Variants in ATP8A2 observed in about 807,000 individuals in gnomAD.
ATP8A2 encodes the protein phospholipid-transporting ATPase IB.
In ATP8A2, 100 loss-of-function variants were observed where a neutral mutation model predicts 165.6. The ratio of observed to expected loss-of-function variants is 0.60; its 90% CI spans 0.51 to 0.71. ATP8A2 has a LOEUF of 0.71. ATP8A2 is among the 30% of genes least tolerant of loss of function. ATP8A2 has a pLI of 0.00. For synonymous variants in ATP8A2, 543 were observed against 548.8 expected (o/e 0.99, Z 0.15); for missense variants, 1,227 against 1,479.5 (o/e 0.83, Z 2.80).
chr13:25,689,357 AC>A (rs1329703685), intron 24 of ATP8A2, among the ~76,000 whole-genome samples: 7 of 152,188 alleles, frequency 4.6e-5, no homozygotes, highest in Non-Finnish European at 1.0e-4. Context: ...GAGATTAATA[AC>A]CCTTTATCTT....
intron 2 of ATP8A2, among the ~76,000 whole-genome samples, chr13:25,498,342 CAT>C (rs2036744822): frequency 6.6e-6 from 1 of 152,214 alleles, no homozygotes; most frequent in Non-Finnish European, 1.5e-5. Context: ...AATTTCTCAT[CAT>C]AGAAATAAAT....
intron 18 of ATP8A2, among the ~76,000 whole-genome samples, chr13:25,572,474 C>T (rs1406000677): frequency 6.6e-6 from 1 of 152,140 alleles, no homozygotes; most frequent in Non-Finnish European, 1.5e-5. Flanking sequence ...CCCCCTGCAA[C>T]TGGAGTCAAG....
chr13:25,628,288 T>A (rs555117336), intron 24 of ATP8A2, among the ~76,000 whole-genome samples: 1 of 152,302 alleles, frequency 6.6e-6, no homozygotes, highest in Non-Finnish European at 1.5e-5. Flanking sequence ...TGGGAGCCAT[T>A]CATTCTCTTT....
intron 24 of ATP8A2, among the ~76,000 whole-genome samples, chr13:25,656,916 G>C (rs1262674059): frequency 6.6e-6 from 1 of 151,522 alleles, no homozygotes; most frequent in Non-Finnish European, 1.5e-5. Flanking sequence ...AGCTGGGCAT[G>C]GTGGTGCATG....
At chr13:25,513,858 G>A (rs186057376) in intron 2 of ATP8A2, among the ~76,000 whole-genome samples, 59 of 152,294 alleles carry the variant, frequency 3.9e-4, no homozygotes, top group African/African-American at 9.9e-4. Context: ...TTGGCAGGCT[G>A]AGGCAGGACA....
At chr13:25,817,551 A>G (rs1307749128) in intron 27 of ATP8A2, among the ~76,000 whole-genome samples, 2 of 152,160 alleles carry the variant, frequency 1.3e-5, no homozygotes, top group African/African-American at 4.8e-5. Flanking sequence ...TGGGATTTTA[A>G]CGGAAAAGAA....
At chr13:25,655,906 A>T (rs1257477844) in intron 24 of ATP8A2, among the ~76,000 whole-genome samples, 1 of 152,226 alleles carries the variant, frequency 6.6e-6, no homozygotes, top group African/African-American at 2.4e-5. Context: ...ATTGGAGTTC[A>T]GGTCACTTTG....
At chr13:25,626,573 T>C (rs1280907719) in intron 24 of ATP8A2, among the ~76,000 whole-genome samples, 1 of 152,086 alleles carries the variant, frequency 6.6e-6, no homozygotes, top group Non-Finnish European at 1.5e-5. Flanking sequence ...GTTCCTTAAA[T>C]AGAACTCAGA....
intron 1 of ATP8A2, among the ~76,000 whole-genome samples, chr13:25,389,214 A>G (rs543098654): frequency 6.6e-6 from 1 of 152,352 alleles, no homozygotes; most frequent in South Asian, 2.1e-4. Flanking sequence ...TTTTAGATGT[A>G]AGGAGAATCA....
chr13:25,622,545 G>A (rs1185862172), intron 24 of ATP8A2, among the ~76,000 whole-genome samples: 1 of 152,090 alleles, frequency 6.6e-6, no homozygotes, highest in East Asian at 1.9e-4. Flanking sequence ...GTTTATACAG[G>A]GTGAGCATCC....
At chr13:25,589,574 G>A in intron 23 of ATP8A2, 61 bp from the exon 24 acceptor site, 2 of 1,303,610 alleles carry the variant, frequency 1.5e-6, no homozygotes, top group Middle Eastern at 1.9e-4. Context: ...CAAGGAGGTT[G>A]AATTTAAGGA....
In ATP8A2 at chr13:25,372,026, T is replaced by TTGGCCGCTGCGGCACGGACGGCGCA; in HGVS notation, c.-186_-162dup. On this transcript the variant is annotated 5_prime_UTR_variant, in exon 1 of 37. The change creates a new upstream start codon in the 5' untranslated region. Coordinates refer to ENST00000381655, the MANE Select transcript of ATP8A2 (RefSeq NM_016529.6). The surrounding 1 kb of genome is among the most constrained non-coding windows in gnomAD (Gnocchi z 4.8). ...GGTGGCGTTCGCGGATGCTGCCGCATTGGCCGCTGCGGCACGGACGGCGCA... is the reference window on the plus strand; with the variant it reads ...GGTGGCGTTCGCGGATGCTGCCGCATTGGCCGCTGCGGCACGGACGGCGCATGGCCGCTGCGGCACGGACGGCGCA... 4.4e-6 allele frequency: 1 copy of TTGGCCGCTGCGGCACGGACGGCGCA among 225,472 alleles called. No individual in the cohort carries two copies. The highest frequency in any genetic ancestry group is 8.4e-6 in the Non-Finnish European group (1 of 119,442). 14.0% of individuals were successfully genotyped at this position (225,472 alleles called of 1,614,324 possible). A position where few individuals can be genotyped will look rare whatever the true frequency, so the allele number is the denominator to read the frequency against.
intron 27 of ATP8A2, among the ~76,000 whole-genome samples, chr13:25,811,931 T>G (rs1413216416): frequency 6.6e-6 from 1 of 152,216 alleles, no homozygotes; most frequent in Non-Finnish European, 1.5e-5. Flanking sequence ...TTTTGCAGTA[T>G]GCTAAATTTG....
intron 33 of ATP8A2, among the ~76,000 whole-genome samples, chr13:25,931,776 G>A (rs1488741213): frequency 1.3e-5 from 2 of 152,158 alleles, no homozygotes; most frequent in Non-Finnish European, 2.9e-5. Context: ...GCCAGGTGCG[G>A]TGGCTCACAC....
intron 1 of ATP8A2, among the ~76,000 whole-genome samples, chr13:25,406,307 G>T (rs2033800770): frequency 6.6e-6 from 1 of 152,218 alleles, no homozygotes; most frequent in Non-Finnish European, 1.5e-5. Context: ...TGGTGGTTCA[G>T]AAGGGAGGTG....
intron 35 of ATP8A2, among the ~76,000 whole-genome samples, chr13:25,998,688 T>A (rs577658492): frequency 6.6e-6 from 1 of 152,298 alleles, no homozygotes; most frequent in East Asian, 1.9e-4. Context: ...CAGTTTTTAT[T>A]ATTAGAGGAA....
At chr13:25,414,356 A>T (rs919946287) in intron 1 of ATP8A2, among the ~76,000 whole-genome samples, 1 of 151,832 alleles carries the variant, frequency 6.6e-6, no homozygotes, top group African/African-American at 2.4e-5. Context: ...ACACTTGGCT[A>T]ATTTTTTGTA....
At chr13:25,912,011 T>G in intron 33 of ATP8A2, among the ~76,000 whole-genome samples, 1 of 152,182 alleles carries the variant, frequency 6.6e-6, no homozygotes, top group East Asian at 1.9e-4. Flanking sequence ...CAATCCCACT[T>G]CTGGGCATTT....
chr13:25,715,668 T>G (rs566244249), intron 25 of ATP8A2, among the ~76,000 whole-genome samples: 32 of 152,366 alleles, frequency 2.1e-4, no homozygotes, highest in African/African-American at 7.5e-4. Flanking sequence ...AAATATTTCA[T>G]TGTATAGATA....
Sources: allele counts gnomAD v4.1 joint callset (sites outside exome capture counted in the v4.1 genomes callset), GRCh38; gene constraint gnomAD v4.1.1; non-coding constraint Gnocchi (gnomAD v3.1); transcripts MANE v1.5; gene names NCBI Gene and HGNC (gene_info 2026-07-23, HGNC 2026-07-21).